Variants in FRMD4B observed in about 807,000 individuals in gnomAD.
The protein encoded by FRMD4B is FERM domain-containing protein 4B.
FRMD4B carries 74 observed loss-of-function variants against 141.5 expected under a neutral mutation model. That is an observed-to-expected ratio of 0.52 (90% CI 0.43 to 0.63). The LOEUF (loss-of-function observed/expected upper bound fraction) is 0.63. FRMD4B is among the 30% of genes least tolerant of loss of function. The pLI is 0.00. For missense variants in FRMD4B, 1,366 were observed against 1,253.4 expected, an observed-to-expected ratio of 1.09 and a Z score of -1.36; for synonymous variants, 506 against 467.9, an observed-to-expected ratio of 1.08 and a Z score of -1.05.
At chr3:69,472,519 A>C in intron 1 of FRMD4B, 1 of 291,890 alleles carries the variant, frequency 3.4e-6, no homozygotes, top group Non-Finnish European at 6.9e-6. Flanking sequence ...TTGACATTCA[A>C]AACTGATGCC....
chr3:69,468,742 G>C (rs1705835062), intron 1 of FRMD4B, among the ~76,000 whole-genome samples: 1 of 152,192 alleles, frequency 6.6e-6, no homozygotes, highest in Non-Finnish European at 1.5e-5. Flanking sequence ...ACAGAGGACA[G>C]GGGGAATGAA....
chr3:69,385,911 T>C lies in FRMD4B; in HGVS notation c.79A>G (p.Thr27Ala). Residue 27 changes from threonine (T) to alanine (A), a missense_variant, in exon 1 of 23, where the codon ACG (threonine) becomes GCG (alanine). Coordinates refer to ENST00000398540, the MANE Select transcript of FRMD4B (RefSeq NM_015123.3). ...CTCTCCGTGTACCATCTCCGCAGCG[T>C]GGACACGGTCAAGTTCCATACGAAG... is the stretch of plus-strand genomic sequence containing the variant. Reference protein sequence around the residue: ...SRFVWNLTVSTLRRWYTERLR... With the variant: ...SRFVWNLTVSALRRWYTERLR... 1.2e-6 allele frequency: 2 copies of C among 1,605,232 alleles called. No individual in the cohort carries two copies. The highest frequency in any genetic ancestry group is 1.1e-5 in the South Asian group (1 of 88,806).
intron 1 of FRMD4B, among the ~76,000 whole-genome samples, chr3:69,540,660 T>TATATATATACACAC (rs1241897477): frequency 1.8e-5 from 1 of 56,874 alleles, no homozygotes; most frequent in African/African-American, 1.0e-4. Context: ...TATATATATA[T>TATATATATACACAC]ACACACACAC....
intron 11 of FRMD4B, among the ~76,000 whole-genome samples, chr3:69,202,752 T>G (rs950807694): frequency 6.6e-6 from 1 of 152,176 alleles, no homozygotes; most frequent in Non-Finnish European, 1.5e-5. Context: ...TGCTCTACAC[T>G]CATCTTGAAT....
In FRMD4B at chr3:69,313,527, C is replaced by T; in HGVS notation, c.163-10G>A. 6.5e-7 allele frequency: 1 copy of T among 1,548,572 alleles called. No homozygotes were observed. Among genetic ancestry groups the T allele is most frequent in the Non-Finnish European group, 8.8e-7 (1 of 1,139,492 alleles). On this transcript the variant is annotated splice_polypyrimidine_tract_variant and intron_variant, in intron 1 of 22. Transcript: ENST00000398540. ...GCCTGCCTTCTGTCATCTGCAGGAA[C>T]AAGACAGCAAGAGTGGTGTCAGGGC...
chr3:69,173,681 T>C lies in FRMD4B; in HGVS notation c.2985-1700A>G, dbSNP rs1301798435. ...TAAACAAATGGATGGAAATAAGTACTTCTGTATCTCCGTGGCTGGAAAGGC... is the reference window on the plus strand; with the variant it reads ...TAAACAAATGGATGGAAATAAGTACCTCTGTATCTCCGTGGCTGGAAAGGC... On this transcript the variant is annotated intron_variant, in intron 22 of 22. Transcript: ENST00000398540. 2.6e-5 allele frequency among the ~76,000 whole-genome samples: 4 copies of C among 152,194 alleles called. No individual in the cohort carries two copies. In the East Asian group the frequency reaches 7.7e-4, roughly 29 times the overall value.
intron 7 of FRMD4B, among the ~76,000 whole-genome samples, chr3:69,231,903 G>A (rs1318299478): frequency 6.6e-6 from 1 of 152,218 alleles, no homozygotes; most frequent in African/African-American, 2.4e-5. Context: ...GGCAGTAGCT[G>A]AGTGCTCATT....
intron 1 of FRMD4B, among the ~76,000 whole-genome samples, chr3:69,530,370 G>A (rs905642921): frequency 8.5e-5 from 13 of 152,158 alleles, no homozygotes; most frequent in African/African-American, 2.9e-4. Context: ...TTTCACAAGA[G>A]CTAGTTGTTA....
At chr3:69,507,353 G>A (rs1337295390) in intron 1 of FRMD4B, among the ~76,000 whole-genome samples, 1 of 152,074 alleles carries the variant, frequency 6.6e-6, no homozygotes, top group Non-Finnish European at 1.5e-5. Context: ...ATGCAACCAT[G>A]CATGCACGTA....
intron 1 of FRMD4B, among the ~76,000 whole-genome samples, chr3:69,325,013 G>T (rs1473634604): frequency 6.7e-6 from 1 of 148,756 alleles, no homozygotes; most frequent in Non-Finnish European, 1.5e-5. Context: ...CAGGTGTTTC[G>T]AGTTGCAGTG....
intron 1 of FRMD4B, chr3:69,472,481 C>A (rs974428286): frequency 1.6e-5 from 6 of 374,492 alleles, no homozygotes; most frequent in African/African-American, 8.6e-5. Context: ...GTTGTAGTTA[C>A]AACTGTTCTT....
chr3:69,468,101 A>G (rs1559536293), intron 1 of FRMD4B, among the ~76,000 whole-genome samples: 1 of 152,218 alleles, frequency 6.6e-6, no homozygotes, highest in Non-Finnish European at 1.5e-5. Flanking sequence ...AAACAGATCA[A>G]ATTTTTCCTG....
intron 1 of FRMD4B, among the ~76,000 whole-genome samples, chr3:69,458,417 T>TTTC (rs1448910603): frequency 1.3e-5 from 2 of 152,146 alleles, no homozygotes; most frequent in Non-Finnish European, 2.9e-5. Context: ...ACTAGTCTAG[T>TTTC]CTGAGATTTA....
chr3:69,505,992 C>T (rs906611904), intron 1 of FRMD4B, among the ~76,000 whole-genome samples: 2 of 152,144 alleles, frequency 1.3e-5, no homozygotes, highest in East Asian at 1.9e-4. Flanking sequence ...TTTACAGCTG[C>T]GTTTAATCTT....
At chr3:69,207,810 A>AC (rs202219518) in intron 11 of FRMD4B, among the ~76,000 whole-genome samples, 16 of 151,740 alleles carry the variant, frequency 1.1e-4, no homozygotes, top group Admixed American at 2.6e-4. Context: ...CCGTCTCAAA[A>AC]AAAAAAAAAA....
rs1466393849 is a variant in FRMD4B at position 69,443,025 on chromosome 3, AC to A, written c.-128-10265del. Among the ~76,000 whole-genome samples the A allele has an allele frequency of 3.3e-5, 5 of 152,286 alleles. No individual in the cohort carries two copies. In the East Asian group the frequency reaches 9.7e-4, roughly 29 times the overall value. ...TGTTACTCATAATAAGCCCCTTTCA[AC>A]CACATCTGAGTTTATGTTAATGAGA... On this transcript the variant is annotated intron_variant, in intron 1 of 5. Coordinates refer to the FRMD4B transcript ENST00000459638.
chr3:69,216,141 G>A (rs981996886), intron 11 of FRMD4B, 122 bp downstream of exon 11: 18 of 544,138 alleles, frequency 3.3e-5, no homozygotes, highest in Non-Finnish European at 9.9e-6. Flanking sequence ...GCGACAAAGT[G>A]AGACTCCATC....
At chr3:69,260,936 T>TCAGTACCCTGTCAAAACGGACCA (rs1402570629) in intron 5 of FRMD4B, among the ~76,000 whole-genome samples, 1 of 152,214 alleles carries the variant, frequency 6.6e-6, no homozygotes, top group Admixed American at 6.5e-5. Flanking sequence ...ATCGCACTAA[T>TCAGTACCCTGTCAAAACGGACCA]CAGTACCCTG....
In FRMD4B at chr3:69,195,268, T is replaced by G. The variant is rs753233145; in HGVS notation, c.1331A>C (p.Lys444Thr). 8 of 1,613,114 alleles carry G rather than the reference T, an allele frequency of 5.0e-6. No individual in the cohort carries two copies. In the Middle Eastern group the frequency reaches 4.9e-4, roughly 100 times the overall value. ...ACAGATCTTCTTAAGCTCCTCAACT[T>G]TTTTCAGAAGTTTTTCTTGTAATAG... ...EKLLQEKLLK[K>T]VEELKKICLR... The change falls in exon 15 of 23, where the codon AAA becomes ACA. Residue 444 changes from lysine to threonine, a missense_variant. Lys to Thr is a moderately conservative substitution (Grantham distance 78). Transcript: ENST00000398540.
Sources: allele counts gnomAD v4.1 joint callset (sites outside exome capture counted in the v4.1 genomes callset), GRCh38; gene constraint gnomAD v4.1.1; transcripts MANE v1.5; gene names NCBI Gene and HGNC (gene_info 2026-07-23, HGNC 2026-07-21).